IGSF11: variants seen among roughly 807,000 people sequenced by gnomAD.
IGSF11 encodes the protein CXADR like 1.
IGSF11 carries 22 observed loss-of-function variants against 41.0 expected under a neutral mutation model. The observed-to-expected ratio is 0.54, with a 90% confidence interval of 0.38 to 0.77. The LOEUF (loss-of-function observed/expected upper bound fraction) is 0.77. IGSF11 is among the 30% of genes least tolerant of loss of function. IGSF11 has a pLI of 0.00. For synonymous variants in IGSF11, 219 were observed against 201.3 expected, an observed-to-expected ratio of 1.09 and a Z score of -0.74; for missense variants, 444 against 530.8, an observed-to-expected ratio of 0.84 and a Z score of 1.61.
intron 4 of IGSF11, among the ~76,000 whole-genome samples, chr3:118,920,269 C>A (rs954372090): frequency 2.7e-4 from 37 of 138,326 alleles, no homozygotes; most frequent in Middle Eastern, 3.6e-3. Flanking sequence ...AAAAAAAAAA[C>A]AATAATGTGT....
At chr3:118,981,023 T>A (rs1174406593) in intron 1 of IGSF11, among the ~76,000 whole-genome samples, 1 of 152,222 alleles carries the variant, frequency 6.6e-6, no homozygotes, top group Non-Finnish European at 1.5e-5. Context: ...CAGAGTAACA[T>A]CTGGGACAGT....
chr3:119,060,506 T>C (rs1195018880), intron 1 of IGSF11, among the ~76,000 whole-genome samples: 1 of 152,212 alleles, frequency 6.6e-6, no homozygotes, highest in East Asian at 1.9e-4. Flanking sequence ...GGCATACTTA[T>C]ATGGACCAGG....
chr3:119,071,737 T>C (rs975136606), intron 1 of IGSF11, among the ~76,000 whole-genome samples: 2 of 152,228 alleles, frequency 1.3e-5, no homozygotes, highest in African/African-American at 4.8e-5. Context: ...TTTAGCTTTA[T>C]AGTAAGTTTT....
chr3:119,113,477 T>C (rs776760891), intron 1 of IGSF11, among the ~76,000 whole-genome samples: 1 of 152,212 alleles, frequency 6.6e-6, no homozygotes, highest in Non-Finnish European at 1.5e-5. Context: ...TGACACTCAT[T>C]AAATCTTAAA....
At chr3:118,959,246 G>A (rs1945169257) in intron 1 of IGSF11, among the ~76,000 whole-genome samples, 1 of 152,132 alleles carries the variant, frequency 6.6e-6, no homozygotes, top group Non-Finnish European at 1.5e-5. Context: ...ACAAGTCTCC[G>A]CTTAGACAAG....
intron 1 of IGSF11, among the ~76,000 whole-genome samples, chr3:119,140,149 T>C (rs1339830204): frequency 6.6e-6 from 1 of 152,070 alleles, no homozygotes; most frequent in Non-Finnish European, 1.5e-5. Context: ...ATCCTACTTA[T>C]AAATCAAAAG....
chr3:118,993,570 T>C (rs1935989019), intron 1 of IGSF11, among the ~76,000 whole-genome samples: 1 of 152,194 alleles, frequency 6.6e-6, no homozygotes, highest in Admixed American at 6.5e-5. Context: ...AGAATATGTG[T>C]TCACAGCATG....
chr3:118,945,114 T>C (rs1267005882), intron 1 of IGSF11: 1 of 152,028 alleles, frequency 6.6e-6, no homozygotes, highest in Non-Finnish European at 1.5e-5. Flanking sequence ...TGAAGAAAAA[T>C]ACATTAAATG....
At position 118,926,142 on chromosome 3, in the gene IGSF11, T is replaced by C. The variant is rs761223166; in HGVS notation, c.539A>G (p.Lys180Arg). The change falls in exon 4 of 7, where the codon AAG becomes AGG. Residue 180 changes from lysine to arginine, a missense_variant. Coordinates refer to ENST00000393775, the MANE Select transcript of IGSF11 (RefSeq NM_001015887.3). ...GIPRPTYLWE[K>R]LDNTLKLPPT... ...AGGTAGTTTGAGGGTATTGTCTAAC[T>C]TCTCCCAAAGGTAAGTTGGTCGAGG... 2 of 1,612,118 alleles carry C rather than the reference T, an allele frequency of 1.2e-6. No individual in the cohort carries two copies. The highest frequency in any genetic ancestry group is 2.2e-5 in the South Asian group (2 of 90,752).
intron 1 of IGSF11, among the ~76,000 whole-genome samples, chr3:119,032,999 C>T (rs1201970993): frequency 6.6e-6 from 1 of 152,116 alleles, no homozygotes; most frequent in Non-Finnish European, 1.5e-5. Context: ...CTGAGAAGTC[C>T]TTGGAAGTCT....
intron 4 of IGSF11, among the ~76,000 whole-genome samples, chr3:118,913,796 G>A (rs988383456): frequency 6.6e-6 from 1 of 152,124 alleles, no homozygotes; most frequent in Admixed American, 6.6e-5. Flanking sequence ...AAATGGGGAT[G>A]ATTAATAAGG....
intron 1 of IGSF11, chr3:118,981,952 A>G (rs1320364602): frequency 6.6e-6 from 1 of 152,656 alleles, no homozygotes; most frequent in African/African-American, 2.4e-5. Flanking sequence ...TGTAAATAAC[A>G]TACACTGCTT....
At chr3:118,908,344 T>A (rs1939865234) in intron 4 of IGSF11, among the ~76,000 whole-genome samples, 2 of 152,158 alleles carry the variant, frequency 1.3e-5, no homozygotes, top group Non-Finnish European at 2.9e-5. Context: ...CATGGTAGAT[T>A]TAACTTGGAA....
intron 1 of IGSF11, among the ~76,000 whole-genome samples, chr3:119,089,806 G>T (rs2076733631): frequency 6.6e-6 from 1 of 152,060 alleles, no homozygotes; most frequent in Non-Finnish European, 1.5e-5. Flanking sequence ...AGGCAGATCA[G>T]CTGAGATTGA....
chr3:119,106,374 C>T (rs554021036), upstream of IGSF11, among the ~76,000 whole-genome samples: 1 of 152,274 alleles, frequency 6.6e-6, no homozygotes, highest in African/African-American at 2.4e-5. Flanking sequence ...CTACCCTTCC[C>T]AGCCTCTGGT....
intron 1 of IGSF11, among the ~76,000 whole-genome samples, chr3:119,097,996 G>T (rs1486275411): frequency 1.0e-5 from 1 of 99,008 alleles, no homozygotes; most frequent in Non-Finnish European, 2.4e-5. Context: ...TAGAGACAGG[G>T]TCTTGCCATG....
chr3:118,952,329 A>G (rs755636579), intron 1 of IGSF11, among the ~76,000 whole-genome samples: 8 of 152,156 alleles, frequency 5.3e-5, no homozygotes, highest in Non-Finnish European at 1.2e-4. Context: ...CACTCCTTTC[A>G]TGAAAGATTT....
chr3:119,098,023 C>T (rs764297886), intron 1 of IGSF11, among the ~76,000 whole-genome samples: 1 of 133,392 alleles, frequency 7.5e-6, no homozygotes, highest in African/African-American at 2.8e-5. Context: ...AGGCCTCCAA[C>T]TCCTGAGCTC....
chr3:119,105,069 C>T lies in IGSF11; in HGVS notation c.49+75G>A, dbSNP rs1217434766. Reference sequence around the variant, plus strand: ...ACATAGAAGTTAGTATCACAAAAAGCCTTTCACTCAGCCAGGCCATAAGAG... The same window carrying T: ...ACATAGAAGTTAGTATCACAAAAAGTCTTTCACTCAGCCAGGCCATAAGAG... On this transcript the variant is annotated intron_variant, in intron 1 of 6. Coordinates refer to the IGSF11 transcript ENST00000354673. The T allele has an allele frequency of 8.8e-6, 8 of 909,322 alleles. No individual in the cohort carries two copies. The African/African-American group carries it at 1.0e-4, about 11-fold the overall frequency. The allele number at this position is 909,322 out of a possible 1,614,324, so 56.3% of individuals were successfully genotyped here.
Sources: gnomAD v4.1 joint callset for allele counts (sites outside exome capture counted in the v4.1 genomes callset) on GRCh38, gnomAD v4.1.1 for gene constraint, MANE v1.5 for transcripts, NCBI Gene and HGNC (gene_info 2026-07-23, HGNC 2026-07-21) for gene names.